Variants in TBC1D1 observed in about 807,000 individuals in gnomAD.
TBC1D1 encodes TBC1 domain family member 1.
TBC1D1 carries 89 observed loss-of-function variants against 125.6 expected under a neutral mutation model. The observed-to-expected ratio is 0.71, with a 90% CI of 0.60 to 0.85. The LOEUF is 0.85. Among genes scored for constraint, TBC1D1 ranks in the 40% least tolerant of loss-of-function variants. The pLI, the probability that TBC1D1 is intolerant of heterozygous loss-of-function variation, is 0.00. For missense variants in TBC1D1, 1,377 were observed against 1,469.2 expected (o/e 0.94, Z 1.03); for synonymous variants, 565 against 564.1 (o/e 1.00, Z -0.02).
At chr4:38,116,183 A>G (rs764213467) in intron 16 of TBC1D1, among the ~76,000 whole-genome samples, 21 of 152,308 alleles carry the variant, frequency 1.4e-4, no homozygotes, top group Admixed American at 2.0e-4. Flanking sequence ...TGAGTCTCCA[A>G]GAGATTATAA....
At position 38,080,205 on chromosome 4, in the gene TBC1D1, C is replaced by T. The variant is rs189787347; in HGVS notation, c.2051-9727C>T. ...TGGTCAGATGTCCTGACCTCTGTGC[C>T]CACAGTGAGGTCCAAGCTGAGTAGG... On this transcript the variant is annotated intron_variant, in intron 12 of 19. Coordinates refer to ENST00000261439, the MANE Select transcript of TBC1D1 (RefSeq NM_015173.4). Among the ~76,000 whole-genome samples, 16 of 152,316 alleles carry T rather than the reference C, an allele frequency of 1.1e-4. No homozygotes were observed. The East Asian group carries it at 3.1e-3, about 29-fold the overall frequency.
chr4:37,959,378 A>C (rs1437960869), intron 2 of TBC1D1, among the ~76,000 whole-genome samples: 1 of 152,214 alleles, frequency 6.6e-6, no homozygotes, highest in African/African-American at 2.4e-5. Flanking sequence ...AACATATTGC[A>C]TTATTCATTA....
At chr4:37,980,251 G>T (rs1422391136) in intron 2 of TBC1D1, among the ~76,000 whole-genome samples, 2 of 152,176 alleles carry the variant, frequency 1.3e-5, no homozygotes, top group Admixed American at 1.3e-4. Flanking sequence ...AAAAAAAATT[G>T]GACATGATCT....
chr4:37,959,897 G>A (rs1729638093), intron 2 of TBC1D1, among the ~76,000 whole-genome samples: 1 of 152,188 alleles, frequency 6.6e-6, no homozygotes, highest in African/African-American at 2.4e-5. Flanking sequence ...TCTGCCACCA[G>A]TAGATCAGAG....
intron 8 of TBC1D1, among the ~76,000 whole-genome samples, chr4:38,043,450 T>A (rs1748787906): frequency 6.6e-6 from 1 of 151,640 alleles, no homozygotes. Context: ...CTACAAAAAA[T>A]TAGCTGTGTG....
chr4:37,996,754 T>G (rs1023486915), intron 2 of TBC1D1, among the ~76,000 whole-genome samples: 40 of 152,404 alleles, frequency 2.6e-4, no homozygotes, highest in African/African-American at 8.4e-4. Context: ...AAATTTCTAT[T>G]CATTTGGAAA....
At chr4:38,067,006 A>G (rs1335640486) in intron 12 of TBC1D1, among the ~76,000 whole-genome samples, 1 of 151,586 alleles carries the variant, frequency 6.6e-6, no homozygotes, top group Non-Finnish European at 1.5e-5. Context: ...CCTCCCGAGT[A>G]GCTGGGATTA....
At chr4:38,045,731 C>CTTAT in intron 9 of TBC1D1, 86 bp from the exon 10 acceptor site, 4 of 901,036 alleles carry the variant, frequency 4.4e-6, no homozygotes, top group Non-Finnish European at 7.3e-6. Flanking sequence ...TTTTCCTGAG[C>CTTAT]TTATTTAAAT....
intron 3 of TBC1D1, among the ~76,000 whole-genome samples, chr4:38,016,311 T>C (rs1742706081): frequency 6.6e-6 from 1 of 152,196 alleles, no homozygotes; most frequent in Non-Finnish European, 1.5e-5. Context: ...TCTTCTGGGC[T>C]CACAGAGCAG....
At chr4:37,892,481 G>A (rs1301043062) in intron 1 of TBC1D1, among the ~76,000 whole-genome samples, 1 of 152,150 alleles carries the variant, frequency 6.6e-6, no homozygotes, top group Non-Finnish European at 1.5e-5. Flanking sequence ...TAACACTATT[G>A]AGTGCAAGGA....
intron 12 of TBC1D1, among the ~76,000 whole-genome samples, chr4:38,061,936 G>C (rs139967604): frequency 1.3e-5 from 2 of 151,382 alleles, no homozygotes; most frequent in African/African-American, 4.9e-5. Context: ...AATTTTAGTG[G>C]ATAAGTGGAA....
intron 2 of TBC1D1, among the ~76,000 whole-genome samples, chr4:38,012,145 T>C (rs1292337211): frequency 6.6e-6 from 1 of 152,272 alleles, no homozygotes; most frequent in Non-Finnish European, 1.5e-5. Context: ...AAAATAATCT[T>C]ACACACTTGC....
chr4:37,913,179 G>A (rs1718972888), intron 2 of TBC1D1, among the ~76,000 whole-genome samples: 1 of 152,172 alleles, frequency 6.6e-6, no homozygotes, highest in South Asian at 2.1e-4. Flanking sequence ...GTCTCCAGTG[G>A]AAGAGAAAGT....
At chr4:37,960,962 C>A (rs1196745399) in intron 2 of TBC1D1, 2 of 1,614,166 alleles carry the variant, frequency 1.2e-6, no homozygotes, top group South Asian at 2.2e-5. Context: ...CATGGGAATG[C>A]AATCTGTTTG....
chr4:37,921,466 G>A (rs1486703031), intron 2 of TBC1D1, among the ~76,000 whole-genome samples: 2 of 151,364 alleles, frequency 1.3e-5, no homozygotes, highest in Non-Finnish European at 2.9e-5. Flanking sequence ...GAGTGCAGTG[G>A]CGTGATCTCG....
chr4:37,949,997 TTC>T (rs1186245533), intron 2 of TBC1D1, among the ~76,000 whole-genome samples: 3 of 152,120 alleles, frequency 2.0e-5, no homozygotes, highest in Non-Finnish European at 4.4e-5. Context: ...TTACTGGCCT[TTC>T]TTTCTTCCCT....
chr4:38,110,340 C>T, intron 15 of TBC1D1: 3 of 982,118 alleles, frequency 3.1e-6, no homozygotes, highest in Non-Finnish European at 2.4e-6. Context: ...GTTTCTGATG[C>T]CTGGGATGTG....
intron 12 of TBC1D1, among the ~76,000 whole-genome samples, chr4:38,077,860 G>C (rs1755869370): frequency 6.6e-6 from 1 of 152,050 alleles, no homozygotes; most frequent in Non-Finnish European, 1.5e-5. Context: ...CGTCACCCTG[G>C]GTTGGTGCAG....
intron 2 of TBC1D1, among the ~76,000 whole-genome samples, chr4:37,966,328 A>G (rs1668761975): frequency 1.3e-5 from 2 of 152,180 alleles, no homozygotes; most frequent in African/African-American, 4.8e-5. Flanking sequence ...TGAAAGCTGA[A>G]TTTATCTTCA....
Sources: gnomAD v4.1 joint callset for allele counts (sites outside exome capture counted in the v4.1 genomes callset) on GRCh38, gnomAD v4.1.1 for gene constraint, MANE v1.5 for transcripts, NCBI Gene and HGNC (gene_info 2026-07-23, HGNC 2026-07-21) for gene names.